STXBP5L: variants seen among roughly 807,000 people sequenced by gnomAD.
STXBP5L encodes syntaxin-binding protein 5-like.
STXBP5L carries 65 observed loss-of-function variants against 144.5 expected under a neutral mutation model. That is an observed-to-expected ratio of 0.45 (90% CI 0.37 to 0.55). STXBP5L has a LOEUF of 0.55. Ranked by LOEUF, STXBP5L falls within the 20% of genes least tolerant of loss-of-function variation. The probability of loss-of-function intolerance (pLI) is 0.00; values close to 1 mark genes in which losing one functional copy is unlikely to be tolerated. For synonymous variants in STXBP5L, 505 were observed against 469.6 expected, an observed-to-expected ratio of 1.08 and a Z score of -0.97; for missense variants, 1,298 against 1,405.5, an observed-to-expected ratio of 0.92 and a Z score of 1.22.
intron 10 of STXBP5L, among the ~76,000 whole-genome samples, chr3:121,217,669 T>G (rs2108275768): frequency 6.6e-6 from 1 of 152,286 alleles, no homozygotes; most frequent in Middle Eastern, 3.4e-3. Context: ...TCATATATTT[T>G]TAAAAATCTT....
Position 121,184,813 on chromosome 3 carries a change from GAGAA to G in STXBP5L, c.878-21107_878-21104del, listed in dbSNP as rs1476325813. On this transcript the variant is annotated intron_variant, in intron 9 of 26. Coordinates refer to ENST00000471454, the MANE Select transcript of STXBP5L (RefSeq NM_001308330.2). ...AGAAAAAATGTTAAGGGCAGCCAGA[GAGAA>G]AGGTCAGGTTACCCAGAAAGGAAAG... Among the ~76,000 whole-genome samples, 3 of 152,190 alleles carry G rather than the reference GAGAA, an allele frequency of 2.0e-5. No homozygotes were observed. In the East Asian group the frequency reaches 5.8e-4, roughly 29 times the overall value.
intron 9 of STXBP5L, among the ~76,000 whole-genome samples, chr3:121,204,737 A>G (rs1321209356): frequency 6.6e-6 from 1 of 152,146 alleles, no homozygotes; most frequent in Non-Finnish European, 1.5e-5. Flanking sequence ...TGAAAATAAA[A>G]AAGAAACAAA....
intron 19 of STXBP5L, among the ~76,000 whole-genome samples, chr3:121,313,472 A>G (rs1230320978): frequency 1.2e-4 from 7 of 57,220 alleles, no homozygotes; most frequent in East Asian, 6.4e-4. Flanking sequence ...GGACGGGGCG[A>G]CTGGCCGGGC....
At chr3:121,059,688 C>T (rs1419207554) in intron 5 of STXBP5L, among the ~76,000 whole-genome samples, 3 of 152,162 alleles carry the variant, frequency 2.0e-5, no homozygotes, top group Non-Finnish European at 4.4e-5. Context: ...AGAGGTCCTT[C>T]ACATCCCTTG....
chr3:121,383,409 TA>T (rs1260728667), intron 22 of STXBP5L, among the ~76,000 whole-genome samples: 2 of 151,806 alleles, frequency 1.3e-5, no homozygotes, highest in Admixed American at 6.6e-5. Context: ...TGAAAAATAA[TA>T]AAAAAATTAA....
rs143124463 is a variant in STXBP5L at position 121,023,444 on chromosome 3, C to T, written c.288-18256C>T. ...AAGAGCCCACCTAGCCAAAGCAAGA[C>T]AAAGCAAAAAGAACAAATATGGAGG... On this transcript the variant is annotated intron_variant, in intron 3 of 26. Coordinates refer to ENST00000471454, the MANE Select transcript of STXBP5L (RefSeq NM_001308330.2). 3.7e-3 allele frequency among the ~76,000 whole-genome samples: 569 copies of T among 152,160 alleles called. 29 individuals carry two copies. In the South Asian group the frequency reaches 0.1, roughly 28 times the overall value.
At chr3:121,210,914 G>C (rs2048537577) in intron 10 of STXBP5L, among the ~76,000 whole-genome samples, 2 of 152,178 alleles carry the variant, frequency 1.3e-5, no homozygotes, top group South Asian at 2.1e-4. Context: ...GGCAATACGG[G>C]ACCTTTTTTG....
chr3:121,342,048 T>A (rs1329118979), intron 20 of STXBP5L, among the ~76,000 whole-genome samples: 1 of 151,990 alleles, frequency 6.6e-6, no homozygotes, highest in African/African-American at 2.4e-5. Flanking sequence ...GATATCACAT[T>A]TACCCTGATT....
chr3:121,007,525 G>C (rs1018227353), intron 3 of STXBP5L, among the ~76,000 whole-genome samples: 1 of 151,774 alleles, frequency 6.6e-6, no homozygotes, highest in Non-Finnish European at 1.5e-5. Context: ...TTTTTTTCTT[G>C]GAAAGTTTTA....
At chr3:120,932,722 A>T (rs1429868557) in intron 2 of STXBP5L, among the ~76,000 whole-genome samples, 2 of 152,168 alleles carry the variant, frequency 1.3e-5, no homozygotes, top group Non-Finnish European at 2.9e-5. Context: ...ATTATAAATC[A>T]TGCTGCTATA....
At chr3:121,163,953 G>A in intron 9 of STXBP5L, among the ~76,000 whole-genome samples, 1 of 151,964 alleles carries the variant, frequency 6.6e-6, no homozygotes, top group African/African-American at 2.4e-5. Context: ...GTTTATTGGG[G>A]TATAGTTCAC....
chr3:120,976,915 T>C (rs1219673582), intron 3 of STXBP5L, among the ~76,000 whole-genome samples: 1 of 152,042 alleles, frequency 6.6e-6, no homozygotes, highest in Non-Finnish European at 1.5e-5. Flanking sequence ...AGAGACAGTT[T>C]GTTATAATTT....
intron 9 of STXBP5L, among the ~76,000 whole-genome samples, chr3:121,185,734 T>C (rs1418956655): frequency 6.6e-6 from 1 of 152,242 alleles, no homozygotes; most frequent in Non-Finnish European, 1.5e-5. Context: ...GGTAGCATGA[T>C]GCCTCCAGAT....
intron 3 of STXBP5L, among the ~76,000 whole-genome samples, chr3:120,975,452 A>T (rs372933727): frequency 1.3e-5 from 2 of 152,184 alleles, no homozygotes; most frequent in African/African-American, 4.8e-5. Flanking sequence ...GGCTGAGACA[A>T]TGGGGTTTTC....
intron 3 of STXBP5L, among the ~76,000 whole-genome samples, chr3:121,014,908 A>T (rs1945036869): frequency 6.6e-6 from 1 of 152,124 alleles, no homozygotes; most frequent in Non-Finnish European, 1.5e-5. Flanking sequence ...AATAAAAATT[A>T]ACTTTAATAT....
chr3:121,414,564 C>T lies in STXBP5L; in HGVS notation c.3114+1241C>T, dbSNP rs1009011230. Among the ~76,000 whole-genome samples, 24 of 152,260 alleles carry T rather than the reference C, an allele frequency of 1.6e-4. No homozygotes were observed. In the South Asian group the frequency reaches 5.0e-3, roughly 32 times the overall value. On this transcript the variant is annotated intron_variant, in intron 24 of 26. Transcript: ENST00000471454. Reference sequence around the variant, plus strand: ...GAAGGATTATGGGCACAACTGACTTCCAAATGGTAAACAGGAGTTATCCAG... The same window carrying T: ...GAAGGATTATGGGCACAACTGACTTTCAAATGGTAAACAGGAGTTATCCAG...
intron 2 of STXBP5L, among the ~76,000 whole-genome samples, chr3:120,919,120 T>A (rs1422427107): frequency 6.6e-6 from 1 of 152,120 alleles, no homozygotes; most frequent in Non-Finnish European, 1.5e-5. Context: ...ACACAGTATG[T>A]GTCAAAGTGA....
chr3:121,371,288 A>G (rs1294994234), intron 20 of STXBP5L, among the ~76,000 whole-genome samples: 1 of 152,186 alleles, frequency 6.6e-6, no homozygotes, highest in African/African-American at 2.4e-5. Context: ...ACCAAGGCTC[A>G]GCTTAGGACA....
chr3:121,218,870 A>C (rs1360596966), intron 10 of STXBP5L, among the ~76,000 whole-genome samples: 1 of 152,172 alleles, frequency 6.6e-6, no homozygotes, highest in Non-Finnish European at 1.5e-5. Context: ...TACCTGTCTC[A>C]CTATGATATT....
Sources: gnomAD v4.1 joint callset for allele counts (sites outside exome capture counted in the v4.1 genomes callset) on GRCh38, gnomAD v4.1.1 for gene constraint, MANE v1.5 for transcripts, NCBI Gene and HGNC (gene_info 2026-07-23, HGNC 2026-07-21) for gene names.